Variants in MRPL58 observed in about 807,000 individuals in gnomAD.
MRPL58 encodes the protein mitochondrial ribosomal protein L58, also known as large ribosomal subunit protein mL62.
A neutral mutation model predicts 26.0 loss-of-function variants in MRPL58; 17 were observed. The observed-to-expected ratio is 0.65, with a 90% confidence interval of 0.45 to 0.98. The LOEUF (loss-of-function observed/expected upper bound fraction) is 0.98, where lower values mean the gene tolerates loss of function less well. Among genes scored for constraint, MRPL58 ranks in the 50% least tolerant of loss-of-function variants. The pLI, the probability that MRPL58 is intolerant of heterozygous loss-of-function variation, is 0.00. For synonymous variants in MRPL58, 100 were observed against 99.7 expected, an observed-to-expected ratio of 1.00 and a Z score of -0.02; for missense variants, 250 against 269.0, an observed-to-expected ratio of 0.93 and a Z score of 0.49.
rs752344401 is a variant in MRPL58 at position 75,017,046 on chromosome 17, A to G, written c.187-32A>G. ...AGTTAGGAGTCACCCAGCAGGTAAT[A>G]TTTATTTGACACTGTGTACATTACA... On this transcript the variant is annotated intron_variant, in intron 1 of 5. Transcript: ENST00000301585. The G allele has an allele frequency of 5.7e-6, 9 of 1,581,066 alleles. No homozygotes were observed. The South Asian group carries it at 1.0e-4, about 17-fold the overall frequency.
rs183727743 is a variant in MRPL58 at position 75,020,309 on chromosome 17, A to G, written c.284-4A>G. ...CCATGCTCCCTTCTCCCTTTCCTCC[A>G]CAGTGAATTCCAAGGCAGAAGTCAG... is the stretch of plus-strand genomic sequence containing the variant. On this transcript the variant is annotated splice_region_variant and splice_polypyrimidine_tract_variant and intron_variant, in intron 3 of 5. Transcript: ENST00000301585. 245 of 1,612,474 alleles carry G rather than the reference A, an allele frequency of 1.5e-4. 1 individual carries two copies. The highest frequency in any genetic ancestry group is 8.5e-4 in the Admixed American group (51 of 59,988).
At chr17:75,019,082 A>C (rs1221609336) in intron 2 of MRPL58, among the ~76,000 whole-genome samples, 1 of 151,516 alleles carries the variant, frequency 6.6e-6, no homozygotes, top group African/African-American at 2.4e-5. Context: ...GTGAGCCGTC[A>C]TTGTGCCACT....
At chr17:75,020,252 AG>A in intron 3 of MRPL58, 60 bp from the exon 4 acceptor site, 2 of 1,309,232 alleles carry the variant, frequency 1.5e-6, no homozygotes, top group Non-Finnish European at 2.2e-6. Context: ...CTGGTCACCC[AG>A]GGGTTGATCC....
chr17:75,012,730 G>A lies in MRPL58; in HGVS notation c.44G>A (p.Gly15Glu), dbSNP rs771716388. 74 of 1,580,644 alleles carry A rather than the reference G, an allele frequency of 4.7e-5. No individual in the cohort carries two copies. In the Middle Eastern group the frequency reaches 5.1e-4, roughly 11 times the overall value. The change falls in exon 1 of 6, where the codon GGA (glycine) becomes GAA (glutamate). Residue 15 changes from glycine to glutamate, a missense_variant. Transcript: ENST00000301585. ...RCLRWGLSRAGVWLLPPPARC... is the reference protein window; with the variant it reads ...RCLRWGLSRAEVWLLPPPARC... ...CTGCGCTGGGGCCTGAGCCGAGCCG[G>A]AGTCTGGCTGCTCCCACCGCCCGCA... is the stretch of plus-strand genomic sequence containing the variant.
At position 75,020,343 on chromosome 17, in the gene MRPL58, T is replaced by C; in HGVS notation, c.314T>C (p.Leu105Ser). ...VNSKAEVRFHLATAEWIAEPV... is the reference protein window; with the variant it reads ...VNSKAEVRFHSATAEWIAEPV... ...TCCAAGGCAGAAGTCAGGTTCCATT[T>C]GGCAACTGCCGAGTGGATCGCGGAG... Residue 105 changes from leucine to serine, a missense_variant, in exon 4 of 6, where the codon TTG (leucine) becomes TCG (serine). By Grantham distance (145) the Leu-to-Ser change is moderately radical. Coordinates refer to ENST00000301585, the MANE Select transcript of MRPL58 (RefSeq NM_001545.3). 1 of 1,614,146 alleles carries C rather than the reference T, an allele frequency of 6.2e-7. No homozygotes were observed. The highest frequency in any genetic ancestry group is 1.1e-5 in the South Asian group (1 of 91,084).
intron 1 of MRPL58, among the ~76,000 whole-genome samples, chr17:75,013,181 A>C (rs1232097343): frequency 6.6e-6 from 1 of 152,216 alleles, no homozygotes; most frequent in Admixed American, 6.5e-5. Flanking sequence ...CTGGCCCTCC[A>C]AGGCGGACAA....
At chr17:75,012,942 C>T in intron 1 of MRPL58, 70 bp downstream of exon 1, 1 of 1,416,900 alleles carries the variant, frequency 7.1e-7, no homozygotes, top group South Asian at 1.2e-5. Flanking sequence ...AACCCCAGGC[C>T]CATTGGCCGG....
At chr17:75,019,853 A>G in intron 3 of MRPL58, 94 bp downstream of exon 3, 1 of 914,908 alleles carries the variant, frequency 1.1e-6, no homozygotes, top group African/African-American at 1.7e-5. Context: ...GAATAAAGGG[A>G]TTTTTCAGCA....
At chr17:75,018,189 A>G (rs1201761250) in intron 2 of MRPL58, among the ~76,000 whole-genome samples, 1 of 152,118 alleles carries the variant, frequency 6.6e-6, no homozygotes, top group Non-Finnish European at 1.5e-5. Flanking sequence ...AGGAGAGTTT[A>G]TAAGCTACCA....
At chr17:75,015,483 TCAAAA>T (rs1460258326) in intron 1 of MRPL58, among the ~76,000 whole-genome samples, 1 of 152,090 alleles carries the variant, frequency 6.6e-6, no homozygotes, top group Non-Finnish European at 1.5e-5. Flanking sequence ...AGACTCCATC[TCAAAA>T]CAAAAACGAA....
At position 75,019,693 on chromosome 17, in the gene MRPL58, T is replaced by C; in HGVS notation, c.224-7T>C. The C allele has an allele frequency of 6.2e-7, 1 of 1,613,202 alleles. No individual in the cohort carries two copies. On this transcript the variant is annotated splice_polypyrimidine_tract_variant and splice_region_variant and intron_variant, in intron 2 of 5. Transcript: ENST00000301585. ...GTTTTGTGTGTGTACTTTCTTCTGT[T>C]TTACAGATCGCTTGACAATATCTTA...
intron 1 of MRPL58, among the ~76,000 whole-genome samples, chr17:75,016,777 T>C (rs2039977274): frequency 6.6e-6 from 1 of 152,218 alleles, no homozygotes. Flanking sequence ...CTGATGCATG[T>C]GCACTGTGGC....
chr17:75,016,793 C>G (rs1386117941), intron 1 of MRPL58, among the ~76,000 whole-genome samples: 1 of 152,224 alleles, frequency 6.6e-6, no homozygotes, highest in Non-Finnish European at 1.5e-5. Flanking sequence ...GTGGCTCCCC[C>G]TCCCGCTGGA....
intron 1 of MRPL58, among the ~76,000 whole-genome samples, chr17:75,015,073 C>T (rs370688645): frequency 7.9e-5 from 12 of 152,112 alleles, no homozygotes; most frequent in African/African-American, 2.7e-4. Context: ...TCCTCTGAGG[C>T]GGCTTAAGGT....
At position 75,021,004 on chromosome 17, in the gene MRPL58, G is replaced by T; in HGVS notation, c.620G>T (p.Ter207LeuextTer35). 1 of 1,610,308 alleles carries T rather than the reference G, an allele frequency of 6.2e-7. No individual in the cohort carries two copies. Among genetic ancestry groups the T allele is most frequent in the African/African-American group, 1.3e-5 (1 of 74,948 alleles). Residue 207 changes from the stop codon to leucine (L), a stop_lost, in exon 6 of 6, where the codon TGA becomes TTA. Coordinates refer to ENST00000301585, the MANE Select transcript of MRPL58 (RefSeq NM_001545.3). ...VKTSRRVDMD[*>L] ...ACAAGCAGGAGGGTCGACATGGACT[G>T]AAATCACCCTCTGCAGCTGGGAGGG...
chr17:75,014,423 G>A (rs1318521145), intron 1 of MRPL58, among the ~76,000 whole-genome samples: 2 of 142,678 alleles, frequency 1.4e-5, no homozygotes, highest in African/African-American at 2.6e-5. Context: ...GATCACGGGC[G>A]TGAGCCACCG....
intron 1 of MRPL58, among the ~76,000 whole-genome samples, chr17:75,013,793 A>G (rs966052052): frequency 2.6e-5 from 4 of 152,216 alleles, no homozygotes; most frequent in South Asian, 2.1e-4. Context: ...GGCAGTAGCA[A>G]TCCCCAGGTG....
In MRPL58 at chr17:75,021,038, G is replaced by T. The variant is rs1395446253; in HGVS notation, c.*33G>T. 2 of 1,457,318 alleles carry T rather than the reference G, an allele frequency of 1.4e-6. No individual in the cohort carries two copies. The highest frequency in any genetic ancestry group is 1.7e-5 in the Admixed American group (1 of 59,740). The allele number at this position is 1,457,318 out of a possible 1,614,324, so 90.3% of individuals were successfully genotyped here. A position where few individuals can be genotyped will look rare whatever the true frequency, so the allele number is the denominator to read the frequency against. The stretch of plus-strand genomic sequence containing the variant: ...CTCTGCAGCTGGGAGGGCTCTTCTG[G>T]GCGTCCGGGCAGCTGCAGCTGAGAG... On this transcript the variant is annotated 3_prime_UTR_variant, in exon 6 of 6. Coordinates refer to ENST00000301585, the MANE Select transcript of MRPL58 (RefSeq NM_001545.3).
At chr17:75,012,929 A>G in intron 1 of MRPL58, 57 bp downstream of exon 1, 1 of 1,484,276 alleles carries the variant, frequency 6.7e-7, no homozygotes, top group Non-Finnish European at 9.2e-7. Flanking sequence ...GGGTGACGTT[A>G]GGAACCCCAG....
Sources: gnomAD v4.1 joint callset for allele counts (sites outside exome capture counted in the v4.1 genomes callset) on GRCh38, gnomAD v4.1.1 for gene constraint, MANE v1.5 for transcripts, NCBI Gene and HGNC (gene_info 2026-07-23, HGNC 2026-07-21) for gene names.